The following CSMD1 variants were observed in gnomAD, a reference collection of about 807,000 sequenced individuals.
The protein encoded by CSMD1 is CUB and Sushi multiple domains 1, also known as CUB and sushi domain-containing protein 1.
Under a neutral mutation model 417.5 loss-of-function variants are expected in CSMD1, and 213 were observed. The ratio of observed to expected loss-of-function variants is 0.51; its 90% CI spans 0.46 to 0.57. CSMD1 has a LOEUF of 0.57. Among genes scored for constraint, CSMD1 ranks in the 20% least tolerant of loss-of-function variants. The pLI, the probability that CSMD1 is intolerant of heterozygous loss-of-function variation, is 0.00. For synonymous variants in CSMD1, 2,862 were observed against 1,736.8 expected, an observed-to-expected ratio of 1.65 and a Z score of -16.11; for missense variants, 6,923 against 4,529.7, an observed-to-expected ratio of 1.53 and a Z score of -15.17.
At chr8:4,234,613 C>T (rs1027338032) in intron 3 of CSMD1, among the ~76,000 whole-genome samples, 1 of 152,124 alleles carries the variant, frequency 6.6e-6, no homozygotes, top group South Asian at 2.1e-4. Flanking sequence ...ACACTTTATT[C>T]ACCATTTTAT....
chr8:4,435,451 T>C (rs1798097337), intron 2 of CSMD1, among the ~76,000 whole-genome samples: 2 of 152,228 alleles, frequency 1.3e-5, no homozygotes, highest in Admixed American at 6.5e-5. Flanking sequence ...GTTAAACTTA[T>C]CACTGGTTTC....
intron 12 of CSMD1, among the ~76,000 whole-genome samples, chr8:3,455,762 A>C (rs890859744): frequency 6.6e-6 from 1 of 152,180 alleles, no homozygotes; most frequent in African/African-American, 2.4e-5. Context: ...GGGGTCAGGG[A>C]CCCACTTGAG....
At chr8:4,426,233 T>C (rs1797545433) in intron 2 of CSMD1, among the ~76,000 whole-genome samples, 1 of 152,076 alleles carries the variant, frequency 6.6e-6, no homozygotes, top group Non-Finnish European at 1.5e-5. Context: ...CCGGACAAGT[T>C]TTCCAGTAAA....
chr8:3,298,464 CTCTT>C (rs1804135367), intron 25 of CSMD1, among the ~76,000 whole-genome samples: 1 of 151,992 alleles, frequency 6.6e-6, no homozygotes, highest in African/African-American at 2.4e-5. Flanking sequence ...ATCTCTCTCT[CTCTT>C]TTTTAGACAG....
intron 1 of CSMD1, among the ~76,000 whole-genome samples, chr8:4,983,886 T>G (rs1041659130): frequency 3.9e-5 from 6 of 152,048 alleles, no homozygotes; most frequent in Non-Finnish European, 4.4e-5. Context: ...TTGAGATACA[T>G]GGAAACAAAG....
chr8:4,323,566 C>T (rs982243798), intron 3 of CSMD1, among the ~76,000 whole-genome samples: 1 of 152,146 alleles, frequency 6.6e-6, no homozygotes, highest in Non-Finnish European at 1.5e-5. Context: ...GGTCATATAT[C>T]TGCTTTCCAA....
Position 4,534,060 on chromosome 8 carries a change from C to A in CSMD1, c.302+103282G>T, listed in dbSNP as rs563010436. On this transcript the variant is annotated intron_variant, in intron 2 of 69. Coordinates refer to ENST00000635120, the MANE Select transcript of CSMD1 (RefSeq NM_033225.6). ...CAATTTATAGATATTGTAATTCAGG[C>A]ATATGTAAGGACACAATTATCTCAA... Among the ~76,000 whole-genome samples, 27 of 152,094 alleles carry A rather than the reference C, an allele frequency of 1.8e-4. 1 individual carries two copies. The highest frequency in any genetic ancestry group is 6.5e-4 in the African/African-American group (27 of 41,490).
At chr8:3,111,477 C>T (rs1816511714) in intron 42 of CSMD1, among the ~76,000 whole-genome samples, 1 of 152,082 alleles carries the variant, frequency 6.6e-6, no homozygotes, top group Non-Finnish European at 1.5e-5. Context: ...CTGGGAGCCT[C>T]CACTTCTATA....
chr8:4,684,660 A>C (rs998956372), intron 1 of CSMD1, among the ~76,000 whole-genome samples: 1 of 152,224 alleles, frequency 6.6e-6, no homozygotes. Context: ...TAAGGCAATT[A>C]AGTGAAATAA....
intron 2 of CSMD1, among the ~76,000 whole-genome samples, chr8:4,585,500 G>C (rs1799654821): frequency 6.6e-6 from 1 of 152,158 alleles, no homozygotes; most frequent in South Asian, 2.1e-4. Context: ...TGGAATGAAA[G>C]AAGTATTTGA....
In CSMD1 at chr8:4,747,893, T is replaced by C. The variant is rs1013586545; in HGVS notation, c.86-110335A>G. Among the ~76,000 whole-genome samples, 15 of 152,228 alleles carry C rather than the reference T, an allele frequency of 9.9e-5. 1 individual carries two copies. The highest frequency in any genetic ancestry group is 1.2e-4 in the Non-Finnish European group (8 of 68,046). On this transcript the variant is annotated intron_variant, in intron 1 of 69. Transcript: ENST00000635120. ...CACGCACCAGGATATCTGTTGTTGC[T>C]TTAAGCAAAGGATAATCAATGACAA...
intron 7 of CSMD1, among the ~76,000 whole-genome samples, chr8:3,645,853 A>G (rs376558941): frequency 6.6e-6 from 1 of 152,216 alleles, no homozygotes; most frequent in East Asian, 1.9e-4. Flanking sequence ...CATTGTTTAA[A>G]TAATGTTTTT....
At chr8:4,303,060 G>T (rs1027961076) in intron 3 of CSMD1, among the ~76,000 whole-genome samples, 1 of 151,914 alleles carries the variant, frequency 6.6e-6, no homozygotes, top group South Asian at 2.1e-4. Flanking sequence ...CAAGGAAGTA[G>T]GTATAAAAAT....
intron 25 of CSMD1, among the ~76,000 whole-genome samples, chr8:3,287,681 A>T (rs1294334230): frequency 6.6e-6 from 1 of 152,202 alleles, no homozygotes; most frequent in Non-Finnish European, 1.5e-5. Flanking sequence ...GAAGTTGCCC[A>T]TCAGCTTAAG....
intron 10 of CSMD1, among the ~76,000 whole-genome samples, chr8:3,496,390 G>A (rs1378547349): frequency 6.6e-6 from 1 of 152,152 alleles, no homozygotes; most frequent in Admixed American, 6.5e-5. Flanking sequence ...CTCGTGGAGG[G>A]AAGCACTGGC....
At chr8:4,928,197 C>G (rs943392292) in intron 1 of CSMD1, among the ~76,000 whole-genome samples, 2 of 152,142 alleles carry the variant, frequency 1.3e-5, no homozygotes, top group African/African-American at 2.4e-5. Flanking sequence ...GAGTGCCCGT[C>G]ACCAAGAAGC....
intron 1 of CSMD1, among the ~76,000 whole-genome samples, chr8:4,800,179 C>G (rs1798201159): frequency 6.6e-6 from 1 of 152,126 alleles, no homozygotes; most frequent in Admixed American, 6.5e-5. Flanking sequence ...CGGCTCATGC[C>G]TATAACCCCA....
At chr8:4,103,696 G>T (rs1173160393) in intron 3 of CSMD1, among the ~76,000 whole-genome samples, 1 of 152,052 alleles carries the variant, frequency 6.6e-6, no homozygotes, top group Non-Finnish European at 1.5e-5. Context: ...TGGAGTGAAT[G>T]CTTAAAACCC....
intron 15 of CSMD1, among the ~76,000 whole-genome samples, chr8:3,402,058 A>G (rs1321805498): frequency 6.6e-6 from 1 of 151,764 alleles, no homozygotes; most frequent in Non-Finnish European, 1.5e-5. Context: ...ACATATGTGT[A>G]TTTTCCTATG....
Sources: allele counts gnomAD v4.1 joint callset (sites outside exome capture counted in the v4.1 genomes callset), GRCh38; gene constraint gnomAD v4.1.1; transcripts MANE v1.5; gene names NCBI Gene and HGNC (gene_info 2026-07-23, HGNC 2026-07-21).